TMCO6: variants seen among roughly 807,000 people sequenced by gnomAD.
TMCO6 encodes the protein transmembrane and coiled-coil domains 6.
Under a neutral mutation model 61.8 loss-of-function variants are expected in TMCO6, and 47 were observed. The ratio of observed to expected loss-of-function variants is 0.76; its 90% CI spans 0.60 to 0.97. The LOEUF (loss-of-function observed/expected upper bound fraction) is 0.97. Among genes scored for constraint, TMCO6 ranks in the 50% least tolerant of loss-of-function variants. The pLI is 0.00. For synonymous variants in TMCO6, 261 were observed against 254.2 expected (o/e 1.03, Z -0.25); for missense variants, 557 against 601.6 (o/e 0.93, Z 0.78).
the TMCO6 span, chr5:140,632,487 T>G: frequency 6.2e-7 from 1 of 1,614,068 alleles, no homozygotes. The surrounding 1 kb of genome is among the most constrained non-coding windows in gnomAD (Gnocchi z 6.2). Context: ...CTTGAGCCAC[T>G]GCTGCAGCTC....
the TMCO6 span, among the ~76,000 whole-genome samples, chr5:140,612,586 G>A: frequency 0.3 from 44,942 of 151,546 alleles, 6,781 homozygotes; most frequent in African/African-American, 0.34. Flanking sequence ...TGATCCACCC[G>A]CCTCGGCCTC....
the TMCO6 span, among the ~76,000 whole-genome samples, chr5:140,616,728 T>C: frequency 3.4e-3 from 520 of 152,228 alleles, 17 homozygotes; most frequent in Admixed American, 0.031. Context: ...TGCAACTCAA[T>C]AACAGCAAAA....
chr5:140,633,376 C>G, the TMCO6 span: 1 of 531,360 alleles, frequency 1.9e-6, no homozygotes, highest in South Asian at 2.0e-5. Flanking sequence ...TTCTGTGTCT[C>G]CTGGCAGTGT....
chr5:140,621,307 A>T, the TMCO6 span, among the ~76,000 whole-genome samples: 7 of 152,330 alleles, frequency 4.6e-5, no homozygotes, highest in African/African-American at 1.7e-4. Context: ...AAGAACGTGG[A>T]TTGTGAAGAT....
At chr5:140,610,876 A>T in the TMCO6 span, among the ~76,000 whole-genome samples, 319 of 152,292 alleles carry the variant, frequency 2.1e-3, 3 homozygotes, top group Middle Eastern at 0.01. Flanking sequence ...GTCCTTTACC[A>T]TGCAAGAAAG....
chr5:140,625,916 T>C, the TMCO6 span, among the ~76,000 whole-genome samples: 1 of 152,184 alleles, frequency 6.6e-6, no homozygotes, highest in East Asian at 1.9e-4. Context: ...CATGTCTCCC[T>C]ATGTTCTCTG....
chr5:140,602,815 A>G, the TMCO6 span, among the ~76,000 whole-genome samples: 10 of 151,974 alleles, frequency 6.6e-5, no homozygotes, highest in African/African-American at 2.4e-4. Flanking sequence ...AAAGGAAAAA[A>G]GAAAAGAAAA....
At chr5:140,632,167 T>C in the TMCO6 span, 3 of 1,613,926 alleles carry the variant, frequency 1.9e-6, no homozygotes, top group South Asian at 2.2e-5. The surrounding 1 kb of genome is among the most constrained non-coding windows in gnomAD (Gnocchi z 6.2). Flanking sequence ...CTGGACCACA[T>C]GCATCTCGGA....
upstream of TMCO6, chr5:140,639,108 T>C (rs5744431): frequency 0.029 from 5,510 of 189,518 alleles, 239 homozygotes; most frequent in African/African-American, 0.1. Context: ...GCATTAATAG[T>C]GAAACGGCAT....
chr5:140,643,437 T>C (rs1451433754), intron 7 of TMCO6, 127 bp from the exon 8 acceptor site: 8 of 863,556 alleles, frequency 9.3e-6, no homozygotes, highest in Non-Finnish European at 1.5e-5. Context: ...CCTCAGGTGA[T>C]CCACCCACCT....
chr5:140,605,147 G>T, the TMCO6 span, among the ~76,000 whole-genome samples: 1 of 152,050 alleles, frequency 6.6e-6, no homozygotes, highest in Admixed American at 6.6e-5. Flanking sequence ...ATTTTAAATT[G>T]CTATTGCATA....
chr5:140,647,145 G>T, downstream of TMCO6: 1 of 1,179,114 alleles, frequency 8.5e-7, no homozygotes, highest in Non-Finnish European at 1.2e-6. Context: ...CAAGGCTAAA[G>T]TCCGAGTTCT....
chr5:140,643,064 A>C, intron 7 of TMCO6, 23 bp downstream of exon 7: 1 of 1,614,096 alleles, frequency 6.2e-7, no homozygotes, highest in Non-Finnish European at 8.5e-7. Context: ...TTGGGAAAGT[A>C]CCACAGATCT....
the TMCO6 span, among the ~76,000 whole-genome samples, chr5:140,625,122 G>GATTA: frequency 6.6e-6 from 1 of 151,362 alleles, no homozygotes; most frequent in Admixed American, 6.6e-5. Context: ...AAAGTGCCAG[G>GATTA]ATTACAGGCG....
chr5:140,645,925 C>T (rs772279875), downstream of TMCO6, among the ~76,000 whole-genome samples: 5 of 151,438 alleles, frequency 3.3e-5, no homozygotes, highest in Non-Finnish European at 5.9e-5. Flanking sequence ...GGGAAGCTTT[C>T]GGGGGCACTG....
chr5:140,633,409 G>C, the TMCO6 span: 1 of 482,794 alleles, frequency 2.1e-6, no homozygotes, highest in Non-Finnish European at 3.8e-6. Flanking sequence ...GGCGCCCCAG[G>C]CGGTGAATGC....
the TMCO6 span, among the ~76,000 whole-genome samples, chr5:140,614,337 C>T: frequency 2.6e-5 from 4 of 152,084 alleles, no homozygotes; most frequent in South Asian, 6.2e-4. Flanking sequence ...GGAGAAACCC[C>T]GTCTCTACTA....
upstream of TMCO6, chr5:140,639,168 T>C (rs1340957101): frequency 1.3e-5 from 3 of 223,700 alleles, no homozygotes; most frequent in Non-Finnish European, 2.7e-5. Context: ...ATCTAGAGCG[T>C]ATTGTGGGTG....
At position 140,642,000 on chromosome 5, in the gene TMCO6, C is replaced by T; in HGVS notation, c.445C>T (p.Pro149Ser). Reference sequence around the variant, plus strand: ...GTCCACTGTTGCTGAGGCCTGCCTGCCAGCCACTTCTTACCTCCTCACCTA... The same window carrying T: ...GTCCACTGTTGCTGAGGCCTGCCTGTCAGCCACTTCTTACCTCCTCACCTA... ...EQSTVAEACL[P>S]ATSYLLTYLS... Residue 149 changes from proline to serine, a missense_variant, in exon 4 of 12, where the codon CCA becomes TCA. Coordinates refer to ENST00000394671, the MANE Select transcript of TMCO6 (RefSeq NM_018502.5). 1 of 1,613,416 alleles carries T rather than the reference C, an allele frequency of 6.2e-7. No homozygotes were observed. The highest frequency in any genetic ancestry group is 8.5e-7 in the Non-Finnish European group (1 of 1,179,360).
Sources: gnomAD v4.1 joint callset for allele counts (sites outside exome capture counted in the v4.1 genomes callset) on GRCh38, gnomAD v4.1.1 for gene constraint, Gnocchi (gnomAD v3.1) non-coding constraint, MANE v1.5 for transcripts, NCBI Gene and HGNC (gene_info 2026-07-23, HGNC 2026-07-21) for gene names.